Variants in PDP1 observed in about 807,000 individuals in gnomAD.
PDP1 encodes the protein pyruvate dehydrogenase phosphatase catalytic subunit 1.
Under a neutral mutation model 37.1 loss-of-function variants are expected in PDP1, and 14 were observed. The ratio of observed to expected loss-of-function variants is 0.38; its 90% CI spans 0.25 to 0.59. PDP1 has a LOEUF of 0.59. PDP1 is among the 20% of genes least tolerant of loss of function. PDP1 has a pLI of 0.67. For synonymous variants in PDP1, 251 were observed against 243.3 expected, an observed-to-expected ratio of 1.03 and a Z score of -0.29; for missense variants, 544 against 655.3, an observed-to-expected ratio of 0.83 and a Z score of 1.85.
At chr8:93,917,929 C>T (rs1425733891) in intron 1 of PDP1, 14 of 1,613,932 alleles carry the variant, frequency 8.7e-6, no homozygotes, top group Non-Finnish European at 1.0e-5. Context: ...GTGTGTGTCC[C>T]GGGCCCAGAC....
At chr8:93,920,447 T>G in intron 1 of PDP1, 1 of 646,010 alleles carries the variant, frequency 1.5e-6, no homozygotes, top group Non-Finnish European at 1.9e-6. Context: ...TCCAAAGTGT[T>G]TCTTTATAGT....
At position 93,925,091 on chromosome 8, in the gene PDP1, A is replaced by G. The variant is rs1376712301; in HGVS notation, c.*1418A>G. On this transcript the variant is annotated 3_prime_UTR_variant, in exon 2 of 2. Transcript: ENST00000297598. ...GTTTGATATTCACCTGGATTTTAAT[A>G]CAAGCCAATATCAGCTTCCCATTGT... The G allele has an allele frequency of 6.0e-6, 1 of 167,042 alleles. No individual in the cohort carries two copies. Among genetic ancestry groups the G allele is most frequent in the Non-Finnish European group, 1.5e-5 (1 of 68,120 alleles). The allele number at this position is 167,042 out of a possible 1,614,324, so 10.3% of individuals were successfully genotyped here.
At position 93,923,601 on chromosome 8, in the gene PDP1, C is replaced by T; in HGVS notation, c.1542C>T (p.Tyr514=). 2 of 1,614,100 alleles carry T rather than the reference C, an allele frequency of 1.2e-6. No homozygotes were observed. Among genetic ancestry groups the T allele is most frequent in the Non-Finnish European group, 1.7e-6 (2 of 1,180,008 alleles). ...LSLPEELARM[Y]RDDITIIVVQ... ...TTCCTGAAGAGCTTGCTCGAATGTA[C>T]AGAGATGACATTACAATCATTGTAG... The change falls in exon 2 of 2, where the codon TAC becomes TAT. Residue 514 remains tyrosine, a synonymous_variant. Coordinates refer to ENST00000297598, the MANE Select transcript of PDP1 (RefSeq NM_018444.4). The surrounding 1 kb of genome is among the most constrained non-coding windows in gnomAD (Gnocchi z 4.3).
chr8:93,919,147 A>G (rs1361118056), intron 1 of PDP1: 6 of 980,292 alleles, frequency 6.1e-6, no homozygotes, highest in Non-Finnish European at 7.3e-6. Context: ...TTTGAACGTA[A>G]GTATTGTTAA....
In PDP1 at chr8:93,922,122, T is replaced by C. The variant is rs913383064; in HGVS notation, c.63T>C (p.Tyr21=). ...GTAACTGTGAACTGAGCAGGATCTA[T>C]GGCACTGCATGTTACTGCCACCACA... ...LIRNCELSRI[Y]GTACYCHHKH... is the part of the protein sequence containing the mutation. Residue 21 remains tyrosine (Y), a synonymous_variant, in exon 2 of 2, where the codon TAT becomes TAC. Transcript: ENST00000297598. The surrounding 1 kb of genome is among the most constrained non-coding windows in gnomAD (Gnocchi z 4.0). 1 of 1,614,020 alleles carries C rather than the reference T, an allele frequency of 6.2e-7. No homozygotes were observed. The highest frequency in any genetic ancestry group is 8.5e-7 in the Non-Finnish European group (1 of 1,179,844).
intron 1 of PDP1, among the ~76,000 whole-genome samples, chr8:93,917,512 C>A (rs948424808): frequency 6.6e-6 from 1 of 151,442 alleles, no homozygotes; most frequent in African/African-American, 2.4e-5. Context: ...ACCCCTGGGG[C>A]GGGGCCGGGC....
At position 93,923,404 on chromosome 8, in the gene PDP1, G is replaced by C; in HGVS notation, c.1345G>C (p.Gly449Arg). 1 of 1,607,844 alleles carries C rather than the reference G, an allele frequency of 6.2e-7. No individual in the cohort carries two copies. The highest frequency in any genetic ancestry group is 8.5e-7 in the Non-Finnish European group (1 of 1,175,992). The change falls in exon 2 of 2, where the codon GGT (glycine) becomes CGT (arginine). Residue 449 changes from glycine (G) to arginine (R), a missense_variant. Coordinates refer to ENST00000297598, the MANE Select transcript of PDP1 (RefSeq NM_018444.4). The surrounding 1 kb of genome is among the most constrained non-coding windows in gnomAD (Gnocchi z 4.3). The stretch of plus-strand genomic sequence containing the variant: ...GCATCACCAACAGCCAATAGCTGTT[G>C]GTGGCTACAAGGTGACTCTGGGACA... ...GMHHQQPIAV[G>R]GYKVTLGQMH...
rs893079017 is a variant in PDP1 at position 93,925,932 on chromosome 8, G to A, written c.*2259G>A. 3 of 166,754 alleles carry A rather than the reference G, an allele frequency of 1.8e-5. No homozygotes were observed. Among genetic ancestry groups the A allele is most frequent in the African/African-American group, 4.8e-5 (2 of 41,376 alleles). The allele number at this position is 166,754 out of a possible 1,614,324, so 10.3% of individuals were successfully genotyped here. A position where few individuals can be genotyped will look rare whatever the true frequency, so the allele number is the denominator to read the frequency against. Reference sequence around the variant, plus strand: ...CCCTTAACTAGTTAAATGGAATGTTGGTATGGTACAGAGTACCATATTGCT... The same window carrying A: ...CCCTTAACTAGTTAAATGGAATGTTAGTATGGTACAGAGTACCATATTGCT... On this transcript the variant is annotated 3_prime_UTR_variant, in exon 2 of 2. Coordinates refer to ENST00000297598, the MANE Select transcript of PDP1 (RefSeq NM_018444.4).
chr8:93,924,657 A>G lies in PDP1; in HGVS notation c.*984A>G, dbSNP rs1810385768. On this transcript the variant is annotated 3_prime_UTR_variant, in exon 2 of 2. Transcript: ENST00000297598. ...AAGTTTAAATATCAATTTGGGGAGT[A>G]AGGTTTAATATTGCCATCGGGTATT... 1 of 167,130 alleles carries G rather than the reference A, an allele frequency of 6.0e-6. No homozygotes were observed. Among genetic ancestry groups the G allele is most frequent in the African/African-American group, 2.4e-5 (1 of 41,470 alleles). The allele number at this position is 167,130 out of a possible 1,614,324, so 10.4% of individuals were successfully genotyped here.
rs1291984139 is a variant in PDP1 at position 93,922,850 on chromosome 8, T to A, written c.791T>A (p.Val264Glu). The change falls in exon 2 of 2, where the codon GTG (valine) becomes GAG (glutamate). Residue 264 changes from valine to glutamate, a missense_variant. By Grantham distance (121) the Val-to-Glu change is moderately radical. This residue lies in a region of PDP1 where 342 missense variants were observed against 414.0 expected (regional missense o/e 0.83). Coordinates refer to ENST00000297598, the MANE Select transcript of PDP1 (RefSeq NM_018444.4). This position sits in a 1 kb window ranked among gnomAD's most constrained non-coding sequence, Gnocchi z 4.0. ...CCTAATTCTTTTCTCAACTACCTGG[T>A]GCTTCGAGTGGCATTTTCTGGAGCC... The part of the protein sequence containing the change: ...GDPNSFLNYL[V>E]LRVAFSGATA... The A allele has an allele frequency of 2.5e-6, 4 of 1,614,118 alleles. No individual in the cohort carries two copies. In the African/African-American group the frequency reaches 5.3e-5, roughly 22 times the overall value.
Position 93,922,536 on chromosome 8 carries a change from C to T in PDP1, c.477C>T (p.Leu159=), listed in dbSNP as rs1477993393. 1.2e-6 allele frequency: 2 copies of T among 1,613,888 alleles called. No individual in the cohort carries two copies. Among genetic ancestry groups the T allele is most frequent in the Non-Finnish European group, 1.7e-6 (2 of 1,180,022 alleles). Residue 159 remains leucine (L), a synonymous_variant, in exon 2 of 2, where the codon CTC becomes CTT. Transcript: ENST00000297598. This position sits in a 1 kb window ranked among gnomAD's most constrained non-coding sequence, Gnocchi z 4.0. ...GTTCCCAGGCAGTCAGTGAAAGACTCTTTTATTATATTGCTGTCTCTTTGT... is the reference window on the plus strand; with the variant it reads ...GTTCCCAGGCAGTCAGTGAAAGACTTTTTTATTATATTGCTGTCTCTTTGT... ...CACSQAVSER[L]FYYIAVSLLP... is the part of the protein sequence containing the mutation.
Position 93,923,232 on chromosome 8 carries a change from A to C in PDP1, c.1173A>C (p.Thr391=). The C allele has an allele frequency of 6.2e-7, 1 of 1,614,084 alleles. No homozygotes were observed. Among genetic ancestry groups the C allele is most frequent in the African/African-American group, 1.3e-5 (1 of 75,012 alleles). ...YTKFIPPNYH[T]PPYLTAEPEV... ...AGTTTATTCCTCCTAATTATCACACACCTCCTTATCTCACTGCTGAGCCAG... is the reference window on the plus strand; with the variant it reads ...AGTTTATTCCTCCTAATTATCACACCCCTCCTTATCTCACTGCTGAGCCAG... Residue 391 remains threonine (T), a synonymous_variant, in exon 2 of 2, where the codon ACA becomes ACC. Transcript: ENST00000297598. The surrounding 1 kb of genome is among the most constrained non-coding windows in gnomAD (Gnocchi z 4.3).
chr8:93,925,319 G>A lies in PDP1; in HGVS notation c.*1646G>A, dbSNP rs1252787419. The A allele has an allele frequency of 6.3e-6, 1 of 158,742 alleles. No homozygotes were observed. The highest frequency in any genetic ancestry group is 6.9e-5 in the Admixed American group (1 of 14,582). 9.8% of individuals were successfully genotyped at this position (158,742 alleles called of 1,614,324 possible). Reference sequence around the variant, plus strand: ...TTGAGGTGTTTTTGTTTTTATTTGTGTGTTTTTTTTTTTTTAAGTCAGCTT... The same window carrying A: ...TTGAGGTGTTTTTGTTTTTATTTGTATGTTTTTTTTTTTTTAAGTCAGCTT... On this transcript the variant is annotated 3_prime_UTR_variant, in exon 2 of 2. Transcript: ENST00000297598.
rs1195787646 is a variant in PDP1 at position 93,922,541 on chromosome 8, A to C, written c.482A>C (p.Tyr161Ser). The C allele has an allele frequency of 1.9e-6, 3 of 1,613,868 alleles. No homozygotes were observed. Among genetic ancestry groups the C allele is most frequent in the South Asian group, 2.2e-5 (2 of 91,068 alleles). ...CAGGCAGTCAGTGAAAGACTCTTTT[A>C]TTATATTGCTGTCTCTTTGTTACCC... ...CSQAVSERLFYYIAVSLLPHE... is the reference protein window; with the variant it reads ...CSQAVSERLFSYIAVSLLPHE... The change falls in exon 2 of 2, where the codon TAT becomes TCT. Residue 161 changes from tyrosine to serine, a missense_variant. Transcript: ENST00000297598. This position sits in a 1 kb window ranked among gnomAD's most constrained non-coding sequence, Gnocchi z 4.0.
chr8:93,924,274 TATCC>T lies in PDP1; in HGVS notation c.*603_*606del, dbSNP rs1810375084. On this transcript the variant is annotated 3_prime_UTR_variant, in exon 2 of 2. Coordinates refer to ENST00000297598, the MANE Select transcript of PDP1 (RefSeq NM_018444.4). The stretch of plus-strand genomic sequence containing the variant: ...CTTAAGTGGAATAACTATACTCCGT[TATCC>T]ACCCGATTTCCTAATGTAATTGAAA... The T allele has an allele frequency of 6.0e-6, 1 of 167,244 alleles. No homozygotes were observed. The highest frequency in any genetic ancestry group is 1.5e-5 in the Non-Finnish European group (1 of 68,336). The allele number at this position is 167,244 out of a possible 1,614,324, so 10.4% of individuals were successfully genotyped here.
chr8:93,922,610 G>T lies in PDP1; in HGVS notation c.551G>T (p.Arg184Leu). The change falls in exon 2 of 2, where the codon CGG becomes CTG. Residue 184 changes from arginine to leucine, a missense_variant. This residue lies in a region of PDP1 where 342 missense variants were observed against 414.0 expected (regional missense o/e 0.83). Transcript: ENST00000297598. The surrounding 1 kb of genome is among the most constrained non-coding windows in gnomAD (Gnocchi z 4.0). ...LEIENAVESG[R>L]ALLPILQWHK... ...ATTGAAAATGCAGTGGAGAGCGGCC[G>T]GGCACTGCTACCCATTCTCCAGTGG... is the stretch of plus-strand genomic sequence containing the variant. 2 of 1,613,994 alleles carry T rather than the reference G, an allele frequency of 1.2e-6. No homozygotes were observed. The highest frequency in any genetic ancestry group is 1.7e-6 in the Non-Finnish European group (2 of 1,179,986).
chr8:93,925,416 C>T lies in PDP1; in HGVS notation c.*1743C>T, dbSNP rs1651804957. 1 of 165,830 alleles carries T rather than the reference C, an allele frequency of 6.0e-6. No individual in the cohort carries two copies. The highest frequency in any genetic ancestry group is 1.5e-5 in the Non-Finnish European group (1 of 67,934). 10.3% of individuals were successfully genotyped at this position (165,830 alleles called of 1,614,324 possible). ...ATATATTTATTTCTAAATGTTTTGA[C>T]TGGGCATTTTTCTTTTAATGAAATA... On this transcript the variant is annotated 3_prime_UTR_variant, in exon 2 of 2. Transcript: ENST00000297598.
At position 93,922,587 on chromosome 8, in the gene PDP1, T is replaced by C; in HGVS notation, c.528T>C (p.Ile176=). Residue 176 remains isoleucine, a synonymous_variant, in exon 2 of 2, where the codon ATT becomes ATC. Transcript: ENST00000297598. This position sits in a 1 kb window ranked among gnomAD's most constrained non-coding sequence, Gnocchi z 4.0. ...SLLPHETLLE[I]ENAVESGRAL... is the part of the protein sequence containing the mutation. ...TACCCCATGAGACTTTGCTAGAGATTGAAAATGCAGTGGAGAGCGGCCGGG... is the reference window on the plus strand; with the variant it reads ...TACCCCATGAGACTTTGCTAGAGATCGAAAATGCAGTGGAGAGCGGCCGGG... 6.2e-7 allele frequency: 1 copy of C among 1,614,112 alleles called. No individual in the cohort carries two copies. The highest frequency in any genetic ancestry group is 2.2e-5 in the East Asian group (1 of 44,880).
intron 1 of PDP1, chr8:93,921,241 A>G (rs1488878456): frequency 1.0e-6 from 1 of 975,388 alleles, no homozygotes; most frequent in Admixed American, 6.2e-5. Context: ...GAAGAGTGAG[A>G]CTCAAAGATG....
Sources: gnomAD v4.1 joint callset for allele counts (sites outside exome capture counted in the v4.1 genomes callset) on GRCh38, gnomAD v4.1.1 for gene constraint, gnomAD v4.1.1 regional missense constraint, Gnocchi (gnomAD v3.1) non-coding constraint, MANE v1.5 for transcripts, NCBI Gene and HGNC (gene_info 2026-07-23, HGNC 2026-07-21) for gene names.